RBFOX1: variants seen among roughly 807,000 people sequenced by gnomAD.
RBFOX1 encodes RNA binding protein fox-1 homolog 1.
A neutral mutation model predicts 57.7 loss-of-function variants in RBFOX1; 8 were observed. The ratio of observed to expected loss-of-function variants is 0.14; its 90% CI spans 0.08 to 0.25. The LOEUF (loss-of-function observed/expected upper bound fraction) is 0.25. RBFOX1 is among the 10% of genes least tolerant of loss of function. The pLI, the probability that RBFOX1 is intolerant of heterozygous loss-of-function variation, is 1.00. For synonymous variants in RBFOX1, 326 were observed against 222.4 expected, an observed-to-expected ratio of 1.47 and a Z score of -4.15; for missense variants, 611 against 548.5, an observed-to-expected ratio of 1.11 and a Z score of -1.14.
chr16:7,334,945 C>G (rs773825895), intron 4 of RBFOX1, among the ~76,000 whole-genome samples: 1 of 152,192 alleles, frequency 6.6e-6, no homozygotes, highest in Non-Finnish European at 1.5e-5. Context: ...AGTGAGGAGC[C>G]TCTAGACCAG....
chr16:5,514,121 C>G (rs1294563803), intron 2 of RBFOX1, among the ~76,000 whole-genome samples: 1 of 152,062 alleles, frequency 6.6e-6, no homozygotes, highest in African/African-American at 2.4e-5. Flanking sequence ...ATAAACTACC[C>G]CAAAACTTTA....
chr16:7,038,091 C>T (rs890514683), intron 3 of RBFOX1, among the ~76,000 whole-genome samples: 4 of 151,838 alleles, frequency 2.6e-5, no homozygotes, highest in African/African-American at 9.7e-5. Context: ...GCCCTCCCCT[C>T]CACACTCTTT....
At chr16:5,688,060 G>C (rs1017716716) in intron 3 of RBFOX1, among the ~76,000 whole-genome samples, 13 of 152,158 alleles carry the variant, frequency 8.5e-5, no homozygotes, top group Non-Finnish European at 1.8e-4. Flanking sequence ...ACCAGGTCAA[G>C]CTCCCCAGCT....
chr16:7,297,174 T>G (rs2095911885), intron 4 of RBFOX1, among the ~76,000 whole-genome samples: 2 of 152,276 alleles, frequency 1.3e-5, no homozygotes, highest in South Asian at 4.2e-4. Flanking sequence ...GGAAGGCAGT[T>G]TGGGCCATGG....
chr16:6,339,356 A>G (rs1382102955), intron 2 of RBFOX1, among the ~76,000 whole-genome samples: 2 of 152,214 alleles, frequency 1.3e-5, no homozygotes, highest in Non-Finnish European at 2.9e-5. Context: ...GCAGCAAGTC[A>G]ATAGGAGACA....
chr16:7,629,560 T>C (rs2060608214), intron 10 of RBFOX1, among the ~76,000 whole-genome samples: 1 of 152,136 alleles, frequency 6.6e-6, no homozygotes, highest in Admixed American at 6.5e-5. Context: ...TCACCAGTAA[T>C]GGCCTTAAAA....
chr16:6,612,473 C>G (rs202081946), intron 2 of RBFOX1, among the ~76,000 whole-genome samples: 2 of 152,156 alleles, frequency 1.3e-5, no homozygotes, highest in East Asian at 3.9e-4. Flanking sequence ...CGTGTACTTA[C>G]AGCACAAACT....
chr16:7,148,246 G>A (rs1272396872), intron 4 of RBFOX1, among the ~76,000 whole-genome samples: 1 of 152,126 alleles, frequency 6.6e-6, no homozygotes, highest in African/African-American at 2.4e-5. Context: ...ACAAATGGAA[G>A]AAGTTTAAAG....
intron 4 of RBFOX1, among the ~76,000 whole-genome samples, chr16:7,094,773 T>TGTGTGTGTGTGTGTGTGTGTGTGG (rs1272219459): frequency 1.4e-5 from 2 of 140,920 alleles, no homozygotes; most frequent in African/African-American, 5.0e-5. Context: ...TGTGTGTGTG[T>TGTGTGTGTGTGTGTGTGTGTGTGG]GTGGGTGTGT....
chr16:7,404,028 C>CTTTTCTTTTATTTTATTTTA (rs140735043), intron 4 of RBFOX1, among the ~76,000 whole-genome samples: 2 of 129,964 alleles, frequency 1.5e-5, no homozygotes, highest in Non-Finnish European at 3.2e-5. Flanking sequence ...ATTTCATTTC[C>CTTTTCTTTTATTTTATTTTA]TTTTATTTTA....
intron 2 of RBFOX1, among the ~76,000 whole-genome samples, chr16:6,611,177 C>T (rs1192460846): frequency 6.6e-6 from 1 of 152,158 alleles, no homozygotes; most frequent in East Asian, 1.9e-4. Context: ...GGGACGAAGT[C>T]TCTCTGTCAC....
chr16:6,213,946 C>G (rs1434378393), intron 1 of RBFOX1, among the ~76,000 whole-genome samples: 1 of 152,172 alleles, frequency 6.6e-6, no homozygotes, highest in African/African-American at 2.4e-5. Flanking sequence ...CAGTACAACC[C>G]ACTCTCCTAA....
intron 4 of RBFOX1, among the ~76,000 whole-genome samples, chr16:7,375,298 C>T (rs979719527): frequency 5.9e-5 from 9 of 152,148 alleles, no homozygotes; most frequent in Admixed American, 2.0e-4. Context: ...TCTATGCCAT[C>T]TTATTAGTCT....
chr16:6,948,072 G>C (rs1460643000), intron 3 of RBFOX1, among the ~76,000 whole-genome samples: 2 of 152,074 alleles, frequency 1.3e-5, no homozygotes, highest in Non-Finnish European at 2.9e-5. Context: ...AGCCACCATG[G>C]CCTGGCCTAC....
chr16:6,313,538 C>G (rs1394570565), intron 1 of RBFOX1, among the ~76,000 whole-genome samples: 1 of 152,138 alleles, frequency 6.6e-6, no homozygotes, highest in Admixed American at 6.5e-5. Flanking sequence ...GTCCAAGGGT[C>G]ATCAACACCA....
intron 14 of RBFOX1, among the ~76,000 whole-genome samples, chr16:7,680,708 CT>C (rs34850611): frequency 6.6e-6 from 1 of 152,082 alleles, no homozygotes; most frequent in Admixed American, 6.6e-5. Context: ...TAATGTATAC[CT>C]TTTTGGATTC....
chr16:7,141,194 G>A (rs944155854), intron 4 of RBFOX1, among the ~76,000 whole-genome samples: 3 of 152,160 alleles, frequency 2.0e-5, no homozygotes, highest in Non-Finnish European at 4.4e-5. Context: ...TCCTGGGGAG[G>A]AGGCCGGGAA....
chr16:6,351,348 GTGTGTATA>G (rs1422702873), intron 2 of RBFOX1, among the ~76,000 whole-genome samples: 3 of 97,044 alleles, frequency 3.1e-5, no homozygotes, highest in African/African-American at 2.0e-4. Flanking sequence ...GTGTGTGTGT[GTGTGTATA>G]TATATATATA....
chr16:6,580,882 G>T (rs1007808918), intron 2 of RBFOX1, among the ~76,000 whole-genome samples: 1 of 147,636 alleles, frequency 6.8e-6, no homozygotes, highest in Non-Finnish European at 1.5e-5. Context: ...TTTCCAGAAA[G>T]ACCCTGCATA....
Sources: gnomAD v4.1 joint callset for allele counts (sites outside exome capture counted in the v4.1 genomes callset) on GRCh38, gnomAD v4.1.1 for gene constraint, MANE v1.5 for transcripts, NCBI Gene and HGNC (gene_info 2026-07-23, HGNC 2026-07-21) for gene names.